The following BMPR1A variants were observed in gnomAD, a reference collection of about 807,000 sequenced individuals.
BMPR1A encodes the protein bone morphogenetic protein receptor type 1A.
A neutral mutation model predicts 66.0 loss-of-function variants in BMPR1A; 7 were observed. The observed-to-expected ratio is 0.11, with a 90% CI of 0.06 to 0.20. The LOEUF (loss-of-function observed/expected upper bound fraction) is 0.20. BMPR1A is among the 10% of genes least tolerant of loss of function. BMPR1A has a pLI of 1.00. For synonymous variants in BMPR1A, 200 were observed against 229.7 expected (o/e 0.87, Z 1.17); for missense variants, 408 against 669.1 (o/e 0.61, Z 4.31).
intron 7 of BMPR1A, among the ~76,000 whole-genome samples, chr10:86,903,936 C>T (rs1301728190): frequency 2.6e-5 from 4 of 152,256 alleles, no homozygotes; most frequent in South Asian, 4.1e-4. Flanking sequence ...CAAGGTCTTG[C>T]TCTGTCACCC....
chr10:86,769,016 G>T (rs1841209534), intron 1 of BMPR1A, among the ~76,000 whole-genome samples: 1 of 152,172 alleles, frequency 6.6e-6, no homozygotes. Flanking sequence ...TAAAATGCAG[G>T]TTTGAATGGC....
chr10:86,780,731 G>A (rs114707249), intron 1 of BMPR1A, among the ~76,000 whole-genome samples: 93 of 151,564 alleles, frequency 6.1e-4, no homozygotes, highest in African/African-American at 2.2e-3. Context: ...GAGCCACCAC[G>A]CCTGGCTAAG....
At chr10:86,901,024 C>T (rs1166433215) in intron 7 of BMPR1A, among the ~76,000 whole-genome samples, 1 of 152,224 alleles carries the variant, frequency 6.6e-6, no homozygotes, top group Non-Finnish European at 1.5e-5. Flanking sequence ...TTATAAACAG[C>T]TTTGCAGCTT....
At chr10:86,878,285 C>T (rs1842945019) in intron 3 of BMPR1A, among the ~76,000 whole-genome samples, 1 of 152,082 alleles carries the variant, frequency 6.6e-6, no homozygotes, top group African/African-American at 2.4e-5. Context: ...TGACCATCAA[C>T]TGTTAGGGTA....
intron 2 of BMPR1A, chr10:86,854,596 T>A (rs1842614927): frequency 6.4e-6 from 1 of 156,470 alleles, no homozygotes; most frequent in Admixed American, 6.5e-5. Context: ...CCGTTTGGGG[T>A]CCCTGACTTC....
intron 1 of BMPR1A, among the ~76,000 whole-genome samples, chr10:86,824,787 A>C (rs1221568209): frequency 1.3e-5 from 2 of 152,188 alleles, no homozygotes; most frequent in Non-Finnish European, 2.9e-5. Context: ...ATGACAGTTT[A>C]ATTGGACTAA....
At chr10:86,873,535 A>T (rs1842879767) in intron 2 of BMPR1A, among the ~76,000 whole-genome samples, 1 of 152,190 alleles carries the variant, frequency 6.6e-6, no homozygotes, top group Non-Finnish European at 1.5e-5. Flanking sequence ...GGCAGGACCA[A>T]AGCCAGGGTT....
chr10:86,804,315 A>C (rs1247327968), intron 1 of BMPR1A, among the ~76,000 whole-genome samples: 5 of 152,154 alleles, frequency 3.3e-5, no homozygotes, highest in Non-Finnish European at 7.4e-5. Context: ...ATCCTGGCTC[A>C]CTGCAACTCC....
rs934510514 is a variant in BMPR1A at position 86,927,706 on chromosome 10, A to G, written c.*3987A>G. The G allele has an allele frequency of 5.0e-6, 1 of 198,346 alleles. No homozygotes were observed. The highest frequency in any genetic ancestry group is 1.0e-5 in the Non-Finnish European group (1 of 96,126). 12.3% of individuals were successfully genotyped at this position (198,346 alleles called of 1,614,324 possible). A position where few individuals can be genotyped will look rare whatever the true frequency, so the allele number is the denominator to read the frequency against. On this transcript the variant is annotated 3_prime_UTR_variant, in exon 13 of 13. Coordinates refer to ENST00000372037, the MANE Select transcript of BMPR1A (RefSeq NM_004329.3). ...ATTTAAAAACTAAAATGTAGTATATATTGTATAAAATGGAAATATCATTAT... is the reference window on the plus strand; with the variant it reads ...ATTTAAAAACTAAAATGTAGTATATGTTGTATAAAATGGAAATATCATTAT...
At chr10:86,870,666 C>T (rs1842843697) in intron 2 of BMPR1A, among the ~76,000 whole-genome samples, 2 of 152,262 alleles carry the variant, frequency 1.3e-5, no homozygotes, top group South Asian at 4.1e-4. Context: ...TCAAGTGATT[C>T]TCCCACCTCA....
intron 1 of BMPR1A, among the ~76,000 whole-genome samples, chr10:86,769,731 G>C (rs1841221495): frequency 6.6e-6 from 1 of 152,170 alleles, no homozygotes; most frequent in Admixed American, 6.6e-5. Context: ...TTAGTGTGGA[G>C]AGGTCTAAGA....
chr10:86,850,330 AAAC>A (rs1564702914), intron 2 of BMPR1A, among the ~76,000 whole-genome samples: 1 of 152,050 alleles, frequency 6.6e-6, no homozygotes, highest in Non-Finnish European at 1.5e-5. Context: ...AAAAAAAAAA[AAAC>A]AGTTCATTGC....
intron 1 of BMPR1A, among the ~76,000 whole-genome samples, chr10:86,838,431 A>G (rs1842380858): frequency 6.6e-6 from 1 of 152,198 alleles, no homozygotes; most frequent in Admixed American, 6.5e-5. Context: ...GCTGAAATTA[A>G]AACTGGTTAT....
At chr10:86,770,162 GC>G (rs2132645013) in intron 1 of BMPR1A, among the ~76,000 whole-genome samples, 1 of 152,342 alleles carries the variant, frequency 6.6e-6, no homozygotes, top group African/African-American at 2.4e-5. Context: ...GTGGTGGCGG[GC>G]GCCTGTGGTC....
intron 1 of BMPR1A, among the ~76,000 whole-genome samples, chr10:86,832,173 A>C (rs1269933459): frequency 6.6e-6 from 1 of 152,190 alleles, no homozygotes; most frequent in Non-Finnish European, 1.5e-5. Flanking sequence ...CATAATTAGA[A>C]ATCATTGAAA....
chr10:86,826,706 G>T (rs532164301), intron 1 of BMPR1A, among the ~76,000 whole-genome samples: 3 of 150,700 alleles, frequency 2.0e-5, no homozygotes, highest in Non-Finnish European at 4.4e-5. Flanking sequence ...TTTTTTTTCC[G>T]CTGTATAATA....
chr10:86,892,320 C>A (rs902827224), intron 5 of BMPR1A, 91 bp downstream of exon 5: 2 of 971,806 alleles, frequency 2.1e-6, no homozygotes, highest in African/African-American at 3.2e-5. Flanking sequence ...CTGGTGTACA[C>A]ATCGCTGTAT....
intron 2 of BMPR1A, among the ~76,000 whole-genome samples, chr10:86,864,553 G>C (rs1288362883): frequency 6.6e-6 from 1 of 152,134 alleles, no homozygotes; most frequent in African/African-American, 2.4e-5. Flanking sequence ...GAAAAAGGAG[G>C]ACTCTGTATA....
chr10:86,827,499 ATTC>A (rs1842212290), intron 1 of BMPR1A, among the ~76,000 whole-genome samples: 1 of 152,184 alleles, frequency 6.6e-6, no homozygotes, highest in African/African-American at 2.4e-5. Flanking sequence ...TGCTTTAAAT[ATTC>A]TTTTGCGTGG....
Sources: allele counts gnomAD v4.1 joint callset (sites outside exome capture counted in the v4.1 genomes callset), GRCh38; gene constraint gnomAD v4.1.1; transcripts MANE v1.5; gene names NCBI Gene and HGNC (gene_info 2026-07-23, HGNC 2026-07-21).